GPR108: variants seen among roughly 807,000 people sequenced by gnomAD.
GPR108 encodes G protein-coupled receptor 108.
A neutral mutation model predicts 74.3 loss-of-function variants in GPR108; 60 were observed. The ratio of observed to expected loss-of-function variants is 0.81; its 90% CI spans 0.66 to 1.00. The LOEUF (loss-of-function observed/expected upper bound fraction) is 1.00, where lower values mean the gene tolerates loss of function less well. Ranked by LOEUF, GPR108 falls within the 50% of genes least tolerant of loss-of-function variation. The probability of loss-of-function intolerance (pLI) is 0.00; values close to 1 mark genes in which losing one functional copy is unlikely to be tolerated. For missense variants in GPR108, 667 were observed against 703.3 expected (o/e 0.95, Z 0.58); for synonymous variants, 311 against 292.4 (o/e 1.06, Z -0.65).
In GPR108 at chr19:6,735,933, C is replaced by A. The variant is rs375471822; in HGVS notation, c.266G>T (p.Arg89Leu). ...TGAATAGGAGCGAACTCTGCCAGAC[C>A]GAACCCGGCTGAGACTGAACCCCAC... The part of the protein sequence containing the change: ...LLVGFSLSRV[R>L]SGRVRSYSTR... Residue 89 changes from arginine (R) to leucine (L), a missense_variant, in exon 3 of 18, where the codon CGG (arginine) becomes CTG (leucine). Arg to Leu is a moderately radical substitution (Grantham distance 102, BLOSUM62 -2). Transcript: ENST00000264080. The A allele has an allele frequency of 3.7e-6, 6 of 1,611,428 alleles. No individual in the cohort carries two copies. The highest frequency in any genetic ancestry group is 5.1e-6 in the Non-Finnish European group (6 of 1,178,636).
rs1968430095 is a variant in GPR108 at position 6,732,029 on chromosome 19, C to T, written c.1252G>A (p.Val418Ile). The change falls in exon 13 of 18, where the codon GTC (valine) becomes ATC (isoleucine). Residue 418 changes from valine to isoleucine, a missense_variant. Physicochemically the swap from Val to Ile is conservative, Grantham distance 29. Transcript: ENST00000264080. ...ICCGAILFPV[V>I]WSIRHLQDAS... The stretch of plus-strand genomic sequence containing the variant: ...GCCCGGGGGCAGGGTCCTCACCAGA[C>T]TACGGGGAACAGGATGGCACCACAG... 6.2e-7 allele frequency: 1 copy of T among 1,613,950 alleles called. No individual in the cohort carries two copies. The highest frequency in any genetic ancestry group is 8.5e-7 in the Non-Finnish European group (1 of 1,180,002).
Position 6,731,333 on chromosome 19 carries a change from G to T in GPR108, c.1351-51C>A, listed in dbSNP as rs76081339. On this transcript the variant is annotated intron_variant, in intron 15 of 17. Transcript: ENST00000264080. Reference sequence around the variant, plus strand: ...GCCAGGACTGTAGGGGCACGGGCAGGCATGGGGCTAGACTGCAGGACTGCG... The same window carrying T: ...GCCAGGACTGTAGGGGCACGGGCAGTCATGGGGCTAGACTGCAGGACTGCG... The T allele has an allele frequency of 2.5e-3, 3,792 of 1,514,494 alleles. 61 individuals carry two copies. The East Asian group carries it at 0.036, about 14-fold the overall frequency. The allele number at this position is 1,514,494 out of a possible 1,614,324, so 93.8% of individuals were successfully genotyped here. A position where few individuals can be genotyped will look rare whatever the true frequency, so the allele number is the denominator to read the frequency against.
chr19:6,733,603 T>G lies in GPR108; in HGVS notation c.690A>C (p.Ser230=). 6.2e-7 allele frequency: 1 copy of G among 1,614,166 alleles called. No individual in the cohort carries two copies. The highest frequency in any genetic ancestry group is 1.1e-5 in the South Asian group (1 of 91,088). Residue 230 remains serine, a synonymous_variant, in exon 8 of 18, where the codon TCA becomes TCC. Coordinates refer to ENST00000264080, the MANE Select transcript of GPR108 (RefSeq NM_001080452.2). ...YSLNFHNCNN[S]VPGKEHPFDI... ...CGAATGGATGCTCCTTTCCTGGCAC[T>G]GAATTGTTGCAGTTGTGGAAGTTCA...
intron 1 of GPR108, 30 bp downstream of exon 1, chr19:6,737,427 G>T: frequency 6.4e-7 from 1 of 1,571,774 alleles, no homozygotes; most frequent in Admixed American, 1.8e-5. Context: ...TTGCGCCACC[G>T]ACCCCAGACC....
rs778905203 is a variant in GPR108 at position 6,730,308 on chromosome 19, G to A, written c.*4C>T. 2 of 1,612,948 alleles carry A rather than the reference G, an allele frequency of 1.2e-6. No homozygotes were observed. The highest frequency in any genetic ancestry group is 1.7e-6 in the Non-Finnish European group (2 of 1,178,962). On this transcript the variant is annotated 3_prime_UTR_variant, in exon 18 of 18. Coordinates refer to ENST00000264080, the MANE Select transcript of GPR108 (RefSeq NM_001080452.2). ...CGACCCTTTGGTCTGAGATGTGGAG[G>A]TGATCATAACAGTTCCCGCCCGCTG...
chr19:6,735,378 C>T (rs966510691), intron 4 of GPR108: 39 of 472,988 alleles, frequency 8.2e-5, no homozygotes, highest in African/African-American at 3.5e-4. Context: ...TCAACATGTG[C>T]GAACAATTGT....
At chr19:6,732,596 G>C in intron 10 of GPR108, 47 bp from the exon 11 acceptor site, 2 of 1,413,956 alleles carry the variant, frequency 1.4e-6, no homozygotes, top group Non-Finnish European at 2.0e-6. Flanking sequence ...AGAGGGGTGG[G>C]AGGCTGATGG....
Position 6,733,034 on chromosome 19 carries a change from T to C in GPR108, c.886A>G (p.Met296Val), listed in dbSNP as rs201477825. Residue 296 changes from methionine (M) to valine (V), a missense_variant, in exon 10 of 18, where the codon ATG (methionine) becomes GTG (valine). Transcript: ENST00000264080. ...TYSVFKIHWL[M>V]AALAFTKSIS... Reference sequence around the variant, plus strand: ...CTCTTGGTGAAGGCCAAGGCCGCCATGAGCCAGTGGATCTTGAAGACGCTG... The same window carrying C: ...CTCTTGGTGAAGGCCAAGGCCGCCACGAGCCAGTGGATCTTGAAGACGCTG... The C allele has an allele frequency of 1.2e-6, 2 of 1,612,318 alleles. No individual in the cohort carries two copies. Among genetic ancestry groups the C allele is most frequent in the African/African-American group, 1.3e-5 (1 of 74,946 alleles).
Position 6,733,827 on chromosome 19 carries a change from G to C in GPR108, c.618+18C>G, listed in dbSNP as rs1190134553. 1 of 1,613,804 alleles carries C rather than the reference G, an allele frequency of 6.2e-7. No individual in the cohort carries two copies. Among genetic ancestry groups the C allele is most frequent in the East Asian group, 2.2e-5 (1 of 44,874 alleles). On this transcript the variant is annotated intron_variant, in intron 7 of 17. Transcript: ENST00000264080. The stretch of plus-strand genomic sequence containing the variant: ...GCTCTGGGGTGACGGAAGGGCCGCA[G>C]GCGCTGCAAACACTCACACTGAAGT...
rs1228473645 is a variant in GPR108 at position 6,733,271 on chromosome 19, A to C, written c.754T>G (p.Phe252Val). The change falls in exon 9 of 18, where the codon TTC (phenylalanine) becomes GTC (valine). Residue 252 changes from phenylalanine (F) to valine (V), a missense_variant. Physicochemically the swap from Phe to Val is conservative, Grantham distance 50. Coordinates refer to ENST00000264080, the MANE Select transcript of GPR108 (RefSeq NM_001080452.2). ...AGGGGCATCTCCGCTGCCGACAGGA[A>C]GCCATCGGGGTTCTTCTCCCGGATC... The part of the protein sequence containing the change: ...VMIREKNPDG[F>V]LSAAEMPLFK... The C allele has an allele frequency of 6.2e-7, 1 of 1,613,762 alleles. No homozygotes were observed.
In GPR108 at chr19:6,732,007, C is replaced by G; in HGVS notation, c.1256+18G>C. 6.2e-7 allele frequency: 1 copy of G among 1,613,142 alleles called. No individual in the cohort carries two copies. The highest frequency in any genetic ancestry group is 1.1e-5 in the South Asian group (1 of 91,054). On this transcript the variant is annotated intron_variant, in intron 13 of 17. Coordinates refer to ENST00000264080, the MANE Select transcript of GPR108 (RefSeq NM_001080452.2). ...ATGTGCACAGGGCAGAGCCTCAGCCCGGGGGCAGGGTCCTCACCAGACTAC... is the reference window on the plus strand; with the variant it reads ...ATGTGCACAGGGCAGAGCCTCAGCCGGGGGGCAGGGTCCTCACCAGACTAC...
At position 6,733,875 on chromosome 19, in the gene GPR108, C is replaced by G; in HGVS notation, c.588G>C (p.Leu196=). The G allele has an allele frequency of 6.2e-7, 1 of 1,614,140 alleles. No homozygotes were observed. The highest frequency in any genetic ancestry group is 1.1e-5 in the South Asian group (1 of 91,084). ...SGKDKDLVLG[L]SHLNNSYNFS... ...AGTTGTAGGAGTTGTTGAGGTGGCT[C>G]AGGCCCAACACCAGGTCCTTGTCCT... The change falls in exon 7 of 18, where the codon CTG becomes CTC. Residue 196 remains leucine, a synonymous_variant. Coordinates refer to ENST00000264080, the MANE Select transcript of GPR108 (RefSeq NM_001080452.2).
Position 6,736,649 on chromosome 19 carries a change from C to T in GPR108, c.183G>A (p.Glu61=). Residue 61 remains glutamate, a synonymous_variant, in exon 2 of 18, where the codon GAG becomes GAA. Coordinates refer to ENST00000264080, the MANE Select transcript of GPR108 (RefSeq NM_001080452.2). Reference sequence around the variant, plus strand: ...CCAGCCGCAGGACGCTCAACTCCACCTCCAGAGAGCCATTGGTGTAGAAAC... The same window carrying T: ...CCAGCCGCAGGACGCTCAACTCCACTTCCAGAGAGCCATTGGTGTAGAAAC... ...SFGFYTNGSL[E]VELSVLRLGL... 1 of 1,614,136 alleles carries T rather than the reference C, an allele frequency of 6.2e-7. No individual in the cohort carries two copies. The highest frequency in any genetic ancestry group is 1.1e-5 in the South Asian group (1 of 91,086).
At position 6,736,830 on chromosome 19, in the gene GPR108, C is replaced by T. The variant is rs1968656133; in HGVS notation, c.121-119G>A. 5 of 1,378,528 alleles carry T rather than the reference C, an allele frequency of 3.6e-6. No homozygotes were observed. The Admixed American group carries it at 1.1e-4, about 30-fold the overall frequency. 85.4% of individuals were successfully genotyped at this position (1,378,528 alleles called of 1,614,324 possible). A position where few individuals can be genotyped will look rare whatever the true frequency, so the allele number is the denominator to read the frequency against. On this transcript the variant is annotated intron_variant, in intron 1 of 17. Coordinates refer to ENST00000264080, the MANE Select transcript of GPR108 (RefSeq NM_001080452.2). Reference sequence around the variant, plus strand: ...GGTACCCCTCTATTTAGGACAGGCCCAGAGGATGACAAGAGAAAGTTGAGA... The same window carrying T: ...GGTACCCCTCTATTTAGGACAGGCCTAGAGGATGACAAGAGAAAGTTGAGA...
At chr19:6,735,727 T>C (rs373660502) in intron 3 of GPR108, 23 bp from the exon 4 acceptor site, 45 of 1,607,070 alleles carry the variant, frequency 2.8e-5, no homozygotes, top group Non-Finnish European at 3.8e-5. Context: ...CAGGAGGGAG[T>C]GAGTCTTGGT....
chr19:6,736,180 G>A (rs947871022), intron 2 of GPR108, among the ~76,000 whole-genome samples: 1 of 152,046 alleles, frequency 6.6e-6, no homozygotes, highest in Non-Finnish European at 1.5e-5. Flanking sequence ...CTACAGCCTC[G>A]AACTCCCAGG....
intron 10 of GPR108, 39 bp downstream of exon 10, chr19:6,732,948 C>T: frequency 6.6e-7 from 1 of 1,525,396 alleles, no homozygotes; most frequent in Admixed American, 2.0e-5. Context: ...GTGGGCCTTT[C>T]AGCCCACCCC....
chr19:6,732,069 C>A lies in GPR108; in HGVS notation c.1212G>T (p.Leu404=), dbSNP rs1481338201. Residue 404 remains leucine (L), a synonymous_variant, in exon 13 of 18, where the codon CTG becomes CTT. Coordinates refer to ENST00000264080, the MANE Select transcript of GPR108 (RefSeq NM_001080452.2). ...DYVLWKEILF[L]VDLICCGAIL... Reference sequence around the variant, plus strand: ...TGGCACCACAGCAGATGAGGTCCACCAGGAACAAAATCTCCTTCCACAGCA... The same window carrying A: ...TGGCACCACAGCAGATGAGGTCCACAAGGAACAAAATCTCCTTCCACAGCA... The A allele has an allele frequency of 1.9e-6, 3 of 1,613,886 alleles. No homozygotes were observed. The highest frequency in any genetic ancestry group is 2.5e-6 in the Non-Finnish European group (3 of 1,180,012).
At chr19:6,732,212 C>T (rs1298210317) in intron 12 of GPR108, 51 bp downstream of exon 12, 51 of 1,612,098 alleles carry the variant, frequency 3.2e-5, no homozygotes, top group Non-Finnish European at 4.2e-5. Flanking sequence ...TTTGCCCCCA[C>T]TGCCCTGTGC....
Sources: allele counts gnomAD v4.1 joint callset (sites outside exome capture counted in the v4.1 genomes callset), GRCh38; gene constraint gnomAD v4.1.1; transcripts MANE v1.5; gene names NCBI Gene and HGNC (gene_info 2026-07-23, HGNC 2026-07-21).